BRINP3: variants seen among roughly 807,000 people sequenced by gnomAD.
BRINP3 encodes BMP/retinoic acid inducible neural specific 3, also known as BMP/retinoic acid-inducible neural-specific protein 3.
BRINP3 carries 19 observed loss-of-function variants against 71.0 expected under a neutral mutation model. The ratio of observed to expected loss-of-function variants is 0.27; its 90% CI spans 0.19 to 0.39. The LOEUF (loss-of-function observed/expected upper bound fraction) is 0.39, where lower values mean the gene tolerates loss of function less well. Among genes scored for constraint, BRINP3 ranks in the 10% least tolerant of loss-of-function variants. BRINP3 has a pLI of 1.00. For synonymous variants in BRINP3, 380 were observed against 337.7 expected (o/e 1.13, Z -1.37); for missense variants, 959 against 940.8 (o/e 1.02, Z -0.25).
At chr1:190,242,015 T>C (rs575526606) in intron 4 of BRINP3, among the ~76,000 whole-genome samples, 58 of 151,960 alleles carry the variant, frequency 3.8e-4, no homozygotes, top group South Asian at 1.2e-3. Flanking sequence ...TTCAACATTC[T>C]ATTAAGTACT....
chr1:190,445,554 G>A (rs1409406924), intron 2 of BRINP3, among the ~76,000 whole-genome samples: 1 of 148,172 alleles, frequency 6.7e-6, no homozygotes, highest in East Asian at 2.0e-4. Flanking sequence ...ATACACACAC[G>A]CACGTGCATA....
chr1:190,300,524 CCTGT>C lies in BRINP3; in HGVS notation c.237-18778_237-18775del, dbSNP rs765413639. 9.3e-4 allele frequency among the ~76,000 whole-genome samples: 142 copies of C among 152,208 alleles called. 1 individual carries two copies. The East Asian group carries it at 0.019, about 20-fold the overall frequency. On this transcript the variant is annotated intron_variant, in intron 2 of 7. Transcript: ENST00000367462. Reference sequence around the variant, plus strand: ...AGTAACCTCTGCAGACTTAAATGTCCCTGTCTGACAGATTTGAAGAGAGCAGTGG... The same window carrying C: ...AGTAACCTCTGCAGACTTAAATGTCCCTGACAGATTTGAAGAGAGCAGTGG...
At chr1:190,298,349 A>G (rs1288235353) in intron 2 of BRINP3, among the ~76,000 whole-genome samples, 2 of 150,650 alleles carry the variant, frequency 1.3e-5, no homozygotes, top group African/African-American at 4.9e-5. Flanking sequence ...GATTTTTGCT[A>G]TTATCTTTAT....
At chr1:190,183,281 T>A (rs1401774009) in intron 6 of BRINP3, among the ~76,000 whole-genome samples, 1 of 152,114 alleles carries the variant, frequency 6.6e-6, no homozygotes, top group East Asian at 1.9e-4. Flanking sequence ...GTAAGTAATT[T>A]CAATTTAATT....
chr1:190,129,758 T>TA (rs1200490090), intron 7 of BRINP3, among the ~76,000 whole-genome samples: 1 of 151,978 alleles, frequency 6.6e-6, no homozygotes, highest in Non-Finnish European at 1.5e-5. Flanking sequence ...CAATTCTATA[T>TA]ACTGTAATGA....
At chr1:190,325,532 A>C (rs1161716442) in intron 2 of BRINP3, among the ~76,000 whole-genome samples, 1 of 152,046 alleles carries the variant, frequency 6.6e-6, no homozygotes, top group Non-Finnish European at 1.5e-5. Flanking sequence ...AGTTCATATC[A>C]ATTTTTATGA....
chr1:190,160,932 TA>T, intron 6 of BRINP3, 42 bp from the exon 7 acceptor site: 1 of 1,440,634 alleles, frequency 6.9e-7, no homozygotes, highest in Non-Finnish European at 9.6e-7. Context: ...ATGAAACAAT[TA>T]TTTTTTGTTT....
At chr1:190,308,188 A>C (rs917726382) in intron 2 of BRINP3, among the ~76,000 whole-genome samples, 1 of 150,274 alleles carries the variant, frequency 6.7e-6, no homozygotes, top group Non-Finnish European at 1.5e-5. Flanking sequence ...TTGAGAAGAC[A>C]TAAGAACACT....
chr1:190,160,494 C>T (rs1657255379), intron 7 of BRINP3, among the ~76,000 whole-genome samples, 174 bp downstream of exon 7: 1 of 151,872 alleles, frequency 6.6e-6, no homozygotes, highest in Non-Finnish European at 1.5e-5. Flanking sequence ...TGTACTATTA[C>T]TTTGAGAAAT....
At chr1:190,363,581 G>C (rs1240115146) in intron 2 of BRINP3, among the ~76,000 whole-genome samples, 1 of 152,050 alleles carries the variant, frequency 6.6e-6, no homozygotes, top group Non-Finnish European at 1.5e-5. Context: ...ACTATAAGGA[G>C]GGGCATAACA....
intron 2 of BRINP3, among the ~76,000 whole-genome samples, chr1:190,346,907 C>A (rs1668058508): frequency 6.6e-6 from 1 of 152,138 alleles, no homozygotes; most frequent in East Asian, 1.9e-4. Context: ...AAAAAGTGTC[C>A]TATATTTTTA....
chr1:190,314,466 T>C (rs561179833), intron 2 of BRINP3, among the ~76,000 whole-genome samples: 2 of 152,096 alleles, frequency 1.3e-5, no homozygotes, highest in South Asian at 2.1e-4. Context: ...AAACAGTCAT[T>C]TGAAGTAGAG....
chr1:190,447,354 T>C (rs1336717670), intron 2 of BRINP3, among the ~76,000 whole-genome samples: 1 of 147,324 alleles, frequency 6.8e-6, no homozygotes, highest in Non-Finnish European at 1.5e-5. Flanking sequence ...ACATCTTATA[T>C]ATATATATAT....
At chr1:190,471,589 A>G (rs1410603376) in intron 1 of BRINP3, among the ~76,000 whole-genome samples, 1 of 151,442 alleles carries the variant, frequency 6.6e-6, no homozygotes, top group East Asian at 1.9e-4. Context: ...ATGTCATCCT[A>G]ATTAATTCTA....
chr1:190,147,072 C>T (rs188560474), intron 7 of BRINP3, among the ~76,000 whole-genome samples: 28 of 151,874 alleles, frequency 1.8e-4, no homozygotes, highest in Non-Finnish European at 2.8e-4. Context: ...GTTTTGTTTG[C>T]GTATTGGTAG....
chr1:190,224,821 A>C (rs1330321448), intron 6 of BRINP3, among the ~76,000 whole-genome samples: 1 of 152,176 alleles, frequency 6.6e-6, no homozygotes, highest in East Asian at 1.9e-4. Context: ...TAATAACCCA[A>C]TTAAAGACTG....
At chr1:190,286,563 A>G (rs147391434) in intron 2 of BRINP3, among the ~76,000 whole-genome samples, 256 of 152,308 alleles carry the variant, frequency 1.7e-3, no homozygotes, top group Non-Finnish European at 2.7e-3. Context: ...AAAGCAGATG[A>G]TGCAGTAGCT....
intron 4 of BRINP3, among the ~76,000 whole-genome samples, chr1:190,238,687 G>C (rs1467632915): frequency 8.3e-6 from 1 of 120,996 alleles, no homozygotes; most frequent in Non-Finnish European, 1.9e-5. Flanking sequence ...CTGCTGCTGG[G>C]AGTTTAACTC....
chr1:190,258,942 A>C (rs1660922182), intron 4 of BRINP3, among the ~76,000 whole-genome samples: 1 of 152,116 alleles, frequency 6.6e-6, no homozygotes, highest in African/African-American at 2.4e-5. Flanking sequence ...AAGTTCTTGA[A>C]ACTGAACTCA....
Sources: gnomAD v4.1 joint callset for allele counts (sites outside exome capture counted in the v4.1 genomes callset) on GRCh38, gnomAD v4.1.1 for gene constraint, MANE v1.5 for transcripts, NCBI Gene and HGNC (gene_info 2026-07-23, HGNC 2026-07-21) for gene names.